SYTL2: variants seen among roughly 807,000 people sequenced by gnomAD.
The protein encoded by SYTL2 is synaptotagmin like 2, also known as synaptotagmin-like protein 2.
In SYTL2, 165 loss-of-function variants were observed where a neutral mutation model predicts 198.7. That is an observed-to-expected ratio of 0.83 (90% CI 0.73 to 0.94). SYTL2 has a LOEUF of 0.94. SYTL2 is among the 40% of genes least tolerant of loss of function. SYTL2 has a pLI of 0.00. For synonymous variants in SYTL2, 966 were observed against 917.7 expected (o/e 1.05, Z -0.95); for missense variants, 2,835 against 2,582.8 (o/e 1.10, Z -2.12).
chr11:85,782,674 A>G (rs79518475), intron 1 of SYTL2, among the ~76,000 whole-genome samples: 2,311 of 152,336 alleles, frequency 0.015, 53 homozygotes, highest in African/African-American at 0.053. Flanking sequence ...TTCAGGTCAC[A>G]TCTTGAACAC....
intron 1 of SYTL2, among the ~76,000 whole-genome samples, chr11:85,794,600 C>G (rs1485583954): frequency 6.6e-6 from 1 of 152,216 alleles, no homozygotes; most frequent in African/African-American, 2.4e-5. Flanking sequence ...GGCATCACAT[C>G]TCTCCATGAA....
Position 85,753,765 on chromosome 11 carries a change from T to TA in SYTL2, c.101+3859_101+3860insT, listed in dbSNP as rs1565986075. Among the ~76,000 whole-genome samples, 804 of 101,814 alleles carry TA rather than the reference T, an allele frequency of 7.9e-3. 7 individuals are homozygous for TA. Among genetic ancestry groups the TA allele is most frequent in the African/African-American group, 0.027 (705 of 25,708 alleles). The allele number at this position is 101,814 out of a possible 152,430, so 66.8% of individuals were successfully genotyped here. On this transcript the variant is annotated intron_variant, in intron 2 of 19. Transcript: ENST00000359152. ...GGGTCACAGAGAGAAACTCTCTTTT[T>TA]TAAAAAAAAAAAAAAAAAAAAAAAG...
chr11:85,774,620 T>G (rs1001657391), intron 1 of SYTL2, among the ~76,000 whole-genome samples: 4 of 152,178 alleles, frequency 2.6e-5, no homozygotes, highest in Non-Finnish European at 5.9e-5. Flanking sequence ...ATTTTTATTT[T>G]TTACGTGATC....
intron 10 of SYTL2, 137 bp from the exon 11 acceptor site, chr11:85,717,667 C>A: frequency 1.3e-6 from 1 of 754,692 alleles, no homozygotes; most frequent in South Asian, 1.4e-5. Flanking sequence ...TGCTTTCATC[C>A]ATTCCTCACT....
the SYTL2 span, among the ~76,000 whole-genome samples, chr11:85,838,625 C>T: frequency 6.6e-6 from 1 of 152,018 alleles, no homozygotes; most frequent in Non-Finnish European, 1.5e-5. Context: ...GGGGAGGTGC[C>T]ATGCACTTTT....
At chr11:85,782,091 C>A (rs914308099) in intron 1 of SYTL2, among the ~76,000 whole-genome samples, 1 of 152,226 alleles carries the variant, frequency 6.6e-6, no homozygotes, top group African/African-American at 2.4e-5. Context: ...GAGAGTCCCA[C>A]CCCTGCAGAA....
Position 85,727,011 on chromosome 11 carries a change from G to A in SYTL2, c.2347C>T (p.Gln783Ter). 6.5e-7 allele frequency: 1 copy of A among 1,536,396 alleles called. No homozygotes were observed. The highest frequency in any genetic ancestry group is 1.4e-5 in the African/African-American group (1 of 73,116). The change falls in exon 8 of 20, where the codon CAA becomes TAA. Residue 783 changes from glutamine (Q) to a stop codon, truncating the protein, a stop_gained. Transcript: ENST00000359152. LOFTEE classifies it high-confidence loss of function. ...CTTTTGTATTTCTCTCTCTGCACTT[G>A]GTTCTTGGGAACCTCACCAGCTTCT... ...QQEAGEVPKN[Q>*]VQREKYKRVS...
At chr11:85,748,728 C>A (rs2091324390) in intron 2 of SYTL2, among the ~76,000 whole-genome samples, 1 of 152,186 alleles carries the variant, frequency 6.6e-6, no homozygotes, top group Admixed American at 6.5e-5. Context: ...AATGCAAATA[C>A]CCCAGGGAGG....
chr11:85,833,318 A>C, the SYTL2 span, among the ~76,000 whole-genome samples: 2 of 148,400 alleles, frequency 1.3e-5, no homozygotes, highest in African/African-American at 2.5e-5. Flanking sequence ...TCATATATAT[A>C]CACAATATAT....
rs553351907 is a variant in SYTL2 at position 85,770,238 on chromosome 11, A to C, written c.-389-12124T>G. ...TCCTCATAAGTAACTCTGAGGTGAC[A>C]CTATGGATGCTTTCCTCTCCTCATC... On this transcript the variant is annotated intron_variant, in intron 1 of 19. Transcript: ENST00000359152. Among the ~76,000 whole-genome samples, 7 of 152,298 alleles carry C rather than the reference A, an allele frequency of 4.6e-5. No individual in the cohort carries two copies. The South Asian group carries it at 1.4e-3, about 32-fold the overall frequency.
intron 17 of SYTL2, 74 bp downstream of exon 17, chr11:85,700,441 A>G: frequency 8.1e-7 from 1 of 1,236,718 alleles, no homozygotes; most frequent in South Asian, 1.2e-5. Context: ...TCACCTTTGA[A>G]AACGCATAGT....
chr11:85,803,638 C>T (rs2092920914), intron 1 of SYTL2, among the ~76,000 whole-genome samples: 1 of 152,186 alleles, frequency 6.6e-6, no homozygotes, highest in Admixed American at 6.5e-5. Context: ...TGTCTTAACA[C>T]AGGATTCAGT....
intron 7 of SYTL2, 199 bp downstream of exon 7, chr11:85,733,740 C>T (rs1174652661): frequency 1.0e-5 from 5 of 481,642 alleles, no homozygotes; most frequent in South Asian, 1.0e-4. Context: ...GCTGGGACTA[C>T]AGGCGCCCGC....
At chr11:85,738,368 G>A (rs1481588130) in intron 4 of SYTL2, among the ~76,000 whole-genome samples, 1 of 152,094 alleles carries the variant, frequency 6.6e-6, no homozygotes, top group Non-Finnish European at 1.5e-5. Context: ...TTCCAGAAAG[G>A]CATTATAGCA....
chr11:85,852,831 G>A, the SYTL2 span: 10 of 222,972 alleles, frequency 4.5e-5, no homozygotes, highest in East Asian at 1.8e-4. Flanking sequence ...CTGCCTGGCC[G>A]CCCATCGTCT....
At chr11:85,849,061 A>G in the SYTL2 span, among the ~76,000 whole-genome samples, 1 of 152,224 alleles carries the variant, frequency 6.6e-6, no homozygotes, top group Non-Finnish European at 1.5e-5. Flanking sequence ...TTTATAATAC[A>G]ATATTGCAAC....
At chr11:85,804,567 T>A (rs895678560) in intron 1 of SYTL2, among the ~76,000 whole-genome samples, 3 of 152,146 alleles carry the variant, frequency 2.0e-5, no homozygotes, top group Non-Finnish European at 4.4e-5. Flanking sequence ...TAGATTATTG[T>A]GAGGATTAAA....
Position 85,745,872 on chromosome 11 carries a change from C to T in SYTL2, c.254-100G>A, listed in dbSNP as rs1354835177. 4.1e-6 allele frequency: 5 copies of T among 1,226,980 alleles called. No homozygotes were observed. The East Asian group carries it at 9.4e-5, about 23-fold the overall frequency. The allele number at this position is 1,226,980 out of a possible 1,614,324, so 76.0% of individuals were successfully genotyped here. ...TCACTGAAGCCTTGAACCTGAACCT[C>T]AGGCCTTCCCAGTGCCAAGGCAATC... is the stretch of plus-strand genomic sequence containing the variant. On this transcript the variant is annotated intron_variant, in intron 3 of 19. Coordinates refer to ENST00000359152, the MANE Select transcript of SYTL2 (RefSeq NM_206927.4).
the SYTL2 span, among the ~76,000 whole-genome samples, chr11:85,833,102 G>GAAAGAAAGAAA: frequency 2.1e-4 from 6 of 28,240 alleles, no homozygotes; most frequent in East Asian, 1.8e-3. Flanking sequence ...AAAGAAAGAA[G>GAAAGAAAGAAA]GAAGGAAGGA....
Sources: gnomAD v4.1 joint callset for allele counts (sites outside exome capture counted in the v4.1 genomes callset) on GRCh38, gnomAD v4.1.1 for gene constraint, MANE v1.5 for transcripts, NCBI Gene and HGNC (gene_info 2026-07-23, HGNC 2026-07-21) for gene names.